CEMIP: variants seen among roughly 807,000 people sequenced by gnomAD.
CEMIP encodes the protein cell migration inducing hyaluronidase 1.
CEMIP carries 105 observed loss-of-function variants against 156.9 expected under a neutral mutation model. The observed-to-expected ratio is 0.67, with a 90% CI of 0.57 to 0.79. CEMIP has a LOEUF of 0.79. Ranked by LOEUF, CEMIP falls within the 30% of genes least tolerant of loss-of-function variation. CEMIP has a pLI of 0.00. For synonymous variants in CEMIP, 676 were observed against 668.4 expected, an observed-to-expected ratio of 1.01 and a Z score of -0.17; for missense variants, 1,457 against 1,769.4, an observed-to-expected ratio of 0.82 and a Z score of 3.17.
intron 12 of CEMIP, chr15:80,902,971 T>C (rs1173606848): frequency 6.6e-6 from 1 of 152,142 alleles, no homozygotes; most frequent in Non-Finnish European, 1.5e-5. Context: ...CTCCATTTTA[T>C]AGATGAAGAG....
chr15:80,845,604 T>C (rs150391450), intron 1 of CEMIP, among the ~76,000 whole-genome samples: 551 of 152,358 alleles, frequency 3.6e-3, no homozygotes, highest in Middle Eastern at 0.024. Flanking sequence ...TCTTCTTCTC[T>C]GGTCTCCTTC....
At chr15:80,821,918 C>T (rs374171864) in intron 1 of CEMIP, among the ~76,000 whole-genome samples, 2 of 152,208 alleles carry the variant, frequency 1.3e-5, no homozygotes, top group Non-Finnish European at 1.5e-5. Context: ...TTCTAGAGGC[C>T]GCCATGTTGG....
chr15:80,933,072 A>T (rs768648573), intron 22 of CEMIP, among the ~76,000 whole-genome samples, 173 bp from the exon 23 acceptor site: 6 of 151,820 alleles, frequency 4.0e-5, no homozygotes, highest in Non-Finnish European at 8.8e-5. Flanking sequence ...TTTGACTGTG[A>T]CTCCGGTTGC....
chr15:80,920,997 T>C (rs1011119537), intron 15 of CEMIP, 35 bp from the exon 16 acceptor site: 4 of 1,604,524 alleles, frequency 2.5e-6, no homozygotes, highest in Admixed American at 3.3e-5. Flanking sequence ...TGGCGGCCCT[T>C]TATCTGATCT....
intron 3 of CEMIP, among the ~76,000 whole-genome samples, chr15:80,874,925 C>T (rs1486495385): frequency 1.3e-5 from 2 of 151,862 alleles, no homozygotes; most frequent in Non-Finnish European, 2.9e-5. Context: ...TTTTTCTCAA[C>T]CCATTGATAG....
At chr15:80,799,658 A>G (rs1896325536) in intron 1 of CEMIP, among the ~76,000 whole-genome samples, 1 of 152,212 alleles carries the variant, frequency 6.6e-6, no homozygotes, top group Admixed American at 6.5e-5. Context: ...TAGCAAAGAT[A>G]TGGAATCAAT....
At chr15:80,942,184 A>T in intron 26 of CEMIP, 67 bp from the exon 27 acceptor site, 1 of 1,496,510 alleles carries the variant, frequency 6.7e-7, no homozygotes, top group Admixed American at 1.7e-5. Context: ...GTGACTGGGG[A>T]TACGGGAAGA....
rs554416658 is a variant in CEMIP, at chr15:80,801,434, T to A, written c.-176+21820T>A. ...ATCACCCAGTAGACTAGCCTGGGTT[T>A]GTTCTCGAGGTGACTGATGCTGTTC... On this transcript the variant is annotated intron_variant, in intron 1 of 29. Coordinates refer to ENST00000394685, the MANE Select transcript of CEMIP (RefSeq NM_001293298.2). Among the ~76,000 whole-genome samples the A allele has an allele frequency of 1.8e-4, 27 of 152,322 alleles. No individual in the cohort carries two copies. In the South Asian group the frequency reaches 5.6e-3, roughly 32 times the overall value.
chr15:80,791,486 A>T (rs558832085), intron 1 of CEMIP, among the ~76,000 whole-genome samples: 15 of 152,294 alleles, frequency 9.8e-5, no homozygotes, highest in South Asian at 4.1e-4. Flanking sequence ...AAGGTGATAG[A>T]GAGAAGATTA....
chr15:80,816,384 C>G (rs1256867263), intron 1 of CEMIP, among the ~76,000 whole-genome samples: 2 of 152,154 alleles, frequency 1.3e-5, no homozygotes, highest in African/African-American at 2.4e-5. Context: ...CTGGATGTTT[C>G]CTCGGACCTC....
rs1900452636 is a variant in CEMIP, at chr15:80,921,037, T to G, written c.2009T>G (p.Val670Gly). ...TATCTCTGCCCTCCCTGCAGTGCTG[T>G]GTCCACCTTCTGGATGGCCAATCCC... ...IPKPRQDCNAVSTFWMANPNN... is the reference protein window; with the variant it reads ...IPKPRQDCNAGSTFWMANPNN... Residue 670 changes from valine (V) to glycine (G), a missense_variant, in exon 16 of 30, where the codon GTG (valine) becomes GGG (glycine). Physicochemically the swap from Val to Gly is moderately radical, Grantham distance 109. Coordinates refer to ENST00000394685, the MANE Select transcript of CEMIP (RefSeq NM_001293298.2). 6.2e-7 allele frequency: 1 copy of G among 1,614,160 alleles called. No homozygotes were observed.
At chr15:80,816,663 G>A (rs571402715) in intron 1 of CEMIP, among the ~76,000 whole-genome samples, 3 of 152,258 alleles carry the variant, frequency 2.0e-5, no homozygotes, top group African/African-American at 7.2e-5. Context: ...ACCTGACCCT[G>A]TCAGCTGGAT....
intron 1 of CEMIP, among the ~76,000 whole-genome samples, chr15:80,841,187 C>T (rs1171750897): frequency 6.6e-6 from 1 of 152,166 alleles, no homozygotes; most frequent in African/African-American, 2.4e-5. Flanking sequence ...GCTGGAAATC[C>T]AGATGTTTGT....
At chr15:80,921,463 G>A (rs1163474503) in intron 16 of CEMIP, among the ~76,000 whole-genome samples, 5 of 152,204 alleles carry the variant, frequency 3.3e-5, no homozygotes, top group Admixed American at 6.5e-5. Flanking sequence ...ACCCAGTGAC[G>A]TAGGTATTAT....
At chr15:80,821,861 G>A (rs955282998) in intron 1 of CEMIP, among the ~76,000 whole-genome samples, 1 of 152,206 alleles carries the variant, frequency 6.6e-6, no homozygotes, top group Non-Finnish European at 1.5e-5. Flanking sequence ...TCTCCCCTTG[G>A]GATTAGAAAG....
intron 1 of CEMIP, among the ~76,000 whole-genome samples, chr15:80,825,842 T>C (rs1426172182): frequency 6.6e-6 from 1 of 152,202 alleles, no homozygotes; most frequent in East Asian, 1.9e-4. Flanking sequence ...TCTCCTGTGC[T>C]GTTGCTCCGA....
intron 19 of CEMIP, 139 bp downstream of exon 19, chr15:80,925,894 C>A: frequency 7.7e-7 from 1 of 1,301,488 alleles, no homozygotes; most frequent in Non-Finnish European, 1.0e-6. Flanking sequence ...CCCAGCCAGG[C>A]AGGGGCATAG....
chr15:80,828,946 C>G (rs1033072269), intron 1 of CEMIP, among the ~76,000 whole-genome samples: 1 of 152,228 alleles, frequency 6.6e-6, no homozygotes, highest in Non-Finnish European at 1.5e-5. Context: ...TGCTCATCTG[C>G]AACTGGCAAC....
chr15:80,906,561 G>C lies in CEMIP; in HGVS notation c.1412-102G>C, dbSNP rs1899812807. ...TGAGACCACTGTGCACACCAGGCAT[G>C]GCGATGAGTAAGCAGCAGCCATGGA... On this transcript the variant is annotated intron_variant, in intron 12 of 29. Coordinates refer to ENST00000394685, the MANE Select transcript of CEMIP (RefSeq NM_001293298.2). The surrounding 1 kb of genome is among the most constrained non-coding windows in gnomAD (Gnocchi z 4.3). 8.4e-7 allele frequency: 1 copy of C among 1,186,304 alleles called. No individual in the cohort carries two copies. Among genetic ancestry groups the C allele is most frequent in the African/African-American group, 1.5e-5 (1 of 66,204 alleles). The allele number at this position is 1,186,304 out of a possible 1,614,324, so 73.5% of individuals were successfully genotyped here.
Sources: gnomAD v4.1 joint callset for allele counts (sites outside exome capture counted in the v4.1 genomes callset) on GRCh38, gnomAD v4.1.1 for gene constraint, Gnocchi (gnomAD v3.1) non-coding constraint, MANE v1.5 for transcripts, NCBI Gene and HGNC (gene_info 2026-07-23, HGNC 2026-07-21) for gene names.